Variants in QRICH2 observed in about 807,000 individuals in gnomAD.
QRICH2 encodes the protein glutamine rich 2.
A neutral mutation model predicts 168.3 loss-of-function variants in QRICH2; 119 were observed. That is an observed-to-expected ratio of 0.71 (90% CI 0.61 to 0.82). The LOEUF (loss-of-function observed/expected upper bound fraction) is 0.82, where lower values mean the gene tolerates loss of function less well. Ranked by LOEUF, QRICH2 falls within the 40% of genes least tolerant of loss-of-function variation. QRICH2 has a pLI of 0.00. For missense variants in QRICH2, 2,241 were observed against 2,491.6 expected (o/e 0.90, Z 2.14); for synonymous variants, 894 against 951.2 (o/e 0.94, Z 1.11).
intron 16 of QRICH2, 71 bp from the exon 17 acceptor site, chr17:76,276,838 T>C (rs945154441): frequency 6.6e-6 from 8 of 1,216,266 alleles, no homozygotes; most frequent in African/African-American, 3.0e-5. Flanking sequence ...CACACGGGAC[T>C]GAGGCACAGA....
At chr17:76,298,111 AT>A (rs1391063998) in intron 3 of QRICH2, among the ~76,000 whole-genome samples, 14 of 149,830 alleles carry the variant, frequency 9.3e-5, no homozygotes, top group Non-Finnish European at 1.8e-4. Context: ...ACTTCAGGTG[AT>A]CCATCCACCT....
At chr17:76,306,858 G>C (rs1314007476) in intron 1 of QRICH2, among the ~76,000 whole-genome samples, 1 of 151,840 alleles carries the variant, frequency 6.6e-6, no homozygotes, top group African/African-American at 2.4e-5. Flanking sequence ...CTGCATTTCA[G>C]CCTGGGTGAT....
At chr17:76,275,470 G>A (rs2070657682) in intron 18 of QRICH2, among the ~76,000 whole-genome samples, 1 of 152,168 alleles carries the variant, frequency 6.6e-6, no homozygotes, top group Non-Finnish European at 1.5e-5. Flanking sequence ...TGGGGACCCG[G>A]GCATGGCCTG....
At chr17:76,278,818 T>G (rs150785458) in intron 14 of QRICH2, among the ~76,000 whole-genome samples, 3 of 152,378 alleles carry the variant, frequency 2.0e-5, no homozygotes, top group Admixed American at 6.5e-5. Flanking sequence ...TGACTAGGTC[T>G]GCCTCCTACG....
At chr17:76,290,348 ACT>A (rs2143274777) in intron 4 of QRICH2, among the ~76,000 whole-genome samples, 1 of 151,752 alleles carries the variant, frequency 6.6e-6, no homozygotes, top group African/African-American at 2.4e-5. Flanking sequence ...AATCTTAATT[ACT>A]CTCTGGGCTT....
rs778546838 is a variant in QRICH2, at chr17:76,291,311, C to T, written c.3416G>A (p.Arg1139Gln). The change falls in exon 4 of 19, where the codon CGA becomes CAA. Residue 1139 changes from arginine (R) to glutamine (Q), a missense_variant. Around this residue, in one of 3 missense-constraint regions of QRICH2, gnomAD observed 2,047 missense variants for 2,303.8 expected, o/e 0.89. Coordinates refer to ENST00000680821, the MANE Select transcript of QRICH2 (RefSeq NM_001388453.1). ...LDPNRTRASD[R>Q]HGIPAQKAPG... ...GGCCTTCTGGGCAGGAATTCCATGT[C>T]GGTCCGAGGCTCGTGTTCTATTTGG... 47 of 1,614,032 alleles carry T rather than the reference C, an allele frequency of 2.9e-5. No individual in the cohort carries two copies. Among genetic ancestry groups the T allele is most frequent in the South Asian group, 2.3e-4 (21 of 91,088 alleles).
rs763150191 is a variant in QRICH2 at position 76,292,924 on chromosome 17, G to C, written c.1803C>G (p.Val601=). The change falls in exon 4 of 19, where the codon GTC becomes GTG. Residue 601 remains valine, a synonymous_variant. Transcript: ENST00000680821. ...VQPGADQRGL[V]RPGMDQSGLA... ...AACCAGACTGATCCATTCCAGGCCG[G>C]ACCAAACCACGCTGATCTGCACCAG... 3 of 1,580,498 alleles carry C rather than the reference G, an allele frequency of 1.9e-6. No individual in the cohort carries two copies. The South Asian group carries it at 3.3e-5, about 18-fold the overall frequency.
chr17:76,284,816 CAAAGAAAAAAAAAAAA>C (rs758323674), intron 7 of QRICH2, among the ~76,000 whole-genome samples: 33 of 137,088 alleles, frequency 2.4e-4, no homozygotes, highest in Non-Finnish European at 4.7e-4. Flanking sequence ...GACTCCGTCT[CAAAGAAAAAAAAAAAA>C]GATGAAAAAG....
rs145735349 is a variant in QRICH2 at position 76,277,566 on chromosome 17, T to TCA, written c.5118-258_5118-257dup. ...CTCACACATGTACTCATACACACAG[T>TCA]CACACACACACATACATGCACACAC... is the stretch of plus-strand genomic sequence containing the variant. On this transcript the variant is annotated intron_variant, in intron 15 of 18. Coordinates refer to ENST00000680821, the MANE Select transcript of QRICH2 (RefSeq NM_001388453.1). 3.3e-4 allele frequency among the ~76,000 whole-genome samples: 50 copies of TCA among 150,340 alleles called. No homozygotes were observed. In the East Asian group the frequency reaches 9.2e-3, roughly 28 times the overall value.
Position 76,307,620 on chromosome 17 carries a change from T to C in QRICH2, c.379A>G (p.Ile127Val), listed in dbSNP as rs957289599. The change falls in exon 1 of 19, where the codon ATC becomes GTC. Residue 127 changes from isoleucine (I) to valine (V), a missense_variant. Transcript: ENST00000680821. This position sits in a 1 kb window ranked among gnomAD's most constrained non-coding sequence, Gnocchi z 5.3. ...LKRVDGQVQG[I>V]ATHVQHFSQA... ...GAGAAGTGCTGCACGTGCGTGGCGATGCCCTGCACCTGGCCGTCCACACGC... is the reference window on the plus strand; with the variant it reads ...GAGAAGTGCTGCACGTGCGTGGCGACGCCCTGCACCTGGCCGTCCACACGC... The C allele has an allele frequency of 2.6e-6, 4 of 1,521,710 alleles. No homozygotes were observed. Among genetic ancestry groups the C allele is most frequent in the Non-Finnish European group, 3.5e-6 (4 of 1,129,804 alleles). 94.3% of individuals were successfully genotyped at this position (1,521,710 alleles called of 1,614,324 possible).
Position 76,280,672 on chromosome 17 carries a change from C to T in QRICH2, c.4443G>A (p.Leu1481=), listed in dbSNP as rs2070770994. 2.5e-6 allele frequency: 4 copies of T among 1,614,182 alleles called. No homozygotes were observed. The highest frequency in any genetic ancestry group is 4.5e-5 in the East Asian group (2 of 44,888). ...CACCCACCACATCGATCTCCATCTC[C>T]AGGTGCTCCCTGTTGGCCTTTTCCT... ...LEKEKANREH[L]EMEIDVKADK... The change falls in exon 10 of 19, where the codon CTG becomes CTA. Residue 1481 remains leucine, a synonymous_variant. Coordinates refer to ENST00000680821, the MANE Select transcript of QRICH2 (RefSeq NM_001388453.1). The surrounding 1 kb of genome is among the most constrained non-coding windows in gnomAD (Gnocchi z 7.4).
intron 3 of QRICH2, among the ~76,000 whole-genome samples, chr17:76,295,543 C>A (rs1194794304): frequency 6.6e-6 from 1 of 151,994 alleles, no homozygotes; most frequent in Non-Finnish European, 1.5e-5. Flanking sequence ...GTAATCCCAG[C>A]TACTCAGGAG....
Position 76,286,711 on chromosome 17 carries a change from CT to C in QRICH2, c.4011+480del, listed in dbSNP as rs373507747. ...CCAAAATGGTGAAACCCCGTCTCTACTAAAAATACAAAAATTAGCTGGGCGT... is the reference window on the plus strand; with the variant it reads ...CCAAAATGGTGAAACCCCGTCTCTACAAAAATACAAAAATTAGCTGGGCGT... On this transcript the variant is annotated intron_variant, in intron 7 of 18. Transcript: ENST00000680821. Among the ~76,000 whole-genome samples, 269 of 151,812 alleles carry C rather than the reference CT, an allele frequency of 1.8e-3. 1 individual carries two copies. The highest frequency in any genetic ancestry group is 6.2e-3 in the African/African-American group (255 of 41,406).
In QRICH2 at chr17:76,277,334, C is replaced by T. The variant is rs748716931; in HGVS notation, c.5118-24G>A. 3.1e-6 allele frequency: 5 copies of T among 1,604,732 alleles called. No individual in the cohort carries two copies. The Admixed American group carries it at 8.6e-5, about 28-fold the overall frequency. On this transcript the variant is annotated intron_variant, in intron 15 of 18. Transcript: ENST00000680821. ...CCCTGTGATGAAGACAGGATGGAGT[C>T]ATTGGGAGCAGACCACCAGGGATGT...
rs1323965301 is a variant in QRICH2 at position 76,307,262 on chromosome 17, A to G, written c.534+203T>C. 2.0e-5 allele frequency among the ~76,000 whole-genome samples: 3 copies of G among 151,884 alleles called. No homozygotes were observed. Among genetic ancestry groups the G allele is most frequent in the Non-Finnish European group, 2.9e-5 (2 of 67,956 alleles). On this transcript the variant is annotated intron_variant, in intron 1 of 18. Transcript: ENST00000680821. The surrounding 1 kb of genome is among the most constrained non-coding windows in gnomAD (Gnocchi z 5.3). Reference sequence around the variant, plus strand: ...TTGGTGGCGTTCTTTTAGGATTTTCACGTCTTGCAGCCCCGTGGACTGCAA... The same window carrying G: ...TTGGTGGCGTTCTTTTAGGATTTTCGCGTCTTGCAGCCCCGTGGACTGCAA...
At chr17:76,283,283 G>A (rs1024795861) in intron 7 of QRICH2, among the ~76,000 whole-genome samples, 1 of 152,238 alleles carries the variant, frequency 6.6e-6, no homozygotes, top group African/African-American at 2.4e-5. Context: ...AGCTATCTGT[G>A]TAAAGAACAG....
chr17:76,282,538 T>G (rs2070809068), intron 7 of QRICH2, among the ~76,000 whole-genome samples: 1 of 152,174 alleles, frequency 6.6e-6, no homozygotes, highest in African/African-American at 2.4e-5. Context: ...CCTGCTCACA[T>G]GCCATGGGGA....
intron 3 of QRICH2, among the ~76,000 whole-genome samples, chr17:76,299,349 C>T (rs2143364939): frequency 6.6e-6 from 1 of 152,180 alleles, no homozygotes; most frequent in South Asian, 2.1e-4. Flanking sequence ...TCTTGGGGAG[C>T]GCCAAATATC....
At chr17:76,283,004 C>T (rs2070817255) in intron 7 of QRICH2, among the ~76,000 whole-genome samples, 1 of 152,194 alleles carries the variant, frequency 6.6e-6, no homozygotes, top group Non-Finnish European at 1.5e-5. Flanking sequence ...AAAGCAGATG[C>T]AGAGGGACAG....
Sources: allele counts gnomAD v4.1 joint callset (sites outside exome capture counted in the v4.1 genomes callset), GRCh38; gene constraint gnomAD v4.1.1; regional missense constraint gnomAD v4.1.1; non-coding constraint Gnocchi (gnomAD v3.1); transcripts MANE v1.5; gene names NCBI Gene and HGNC (gene_info 2026-07-23, HGNC 2026-07-21).